R3HDM1: variants seen among roughly 807,000 people sequenced by gnomAD.
R3HDM1 encodes R3H domain-containing protein 1.
A neutral mutation model predicts 141.1 loss-of-function variants in R3HDM1; 46 were observed. That is an observed-to-expected ratio of 0.33 (90% confidence interval 0.26 to 0.42). R3HDM1 has a LOEUF of 0.42. Ranked by LOEUF, R3HDM1 falls within the 10% of genes least tolerant of loss-of-function variation. The pLI is 1.00. For missense variants in R3HDM1, 1,184 were observed against 1,368.3 expected, an observed-to-expected ratio of 0.87 and a Z score of 2.12; for synonymous variants, 435 against 472.9, an observed-to-expected ratio of 0.92 and a Z score of 1.04.
rs575524717 is a variant in R3HDM1 at position 135,641,778 on chromosome 2, A to C, written c.1462A>C (p.Asn488His). The change falls in exon 15 of 27, where the codon AAC (asparagine) becomes CAC (histidine). Residue 488 changes from asparagine (N) to histidine (H), a missense_variant. Physicochemically the swap from Asn to His is moderately conservative, Grantham distance 68. This residue lies in a region of R3HDM1 where 563 missense variants were observed against 562.0 expected (regional missense o/e 1.00). Coordinates refer to ENST00000683871, the MANE Select transcript of R3HDM1 (RefSeq NM_001378107.1). ...AGIPPGSILI[N>H]PQTGQPFINP... ...CATACCACCTGGCAGTATTCTGATC[A>C]ACCCACAAACAGGTTGGTATCCAGA... is the stretch of plus-strand genomic sequence containing the variant. 5 of 1,609,262 alleles carry C rather than the reference A, an allele frequency of 3.1e-6. No individual in the cohort carries two copies. In the African/African-American group the frequency reaches 6.7e-5, roughly 22 times the overall value.
At chr2:135,699,041 A>T (rs79976923) in intron 21 of R3HDM1, among the ~76,000 whole-genome samples, 1,291 of 67,836 alleles carry the variant, frequency 0.019, 39 homozygotes, top group East Asian at 0.15. Flanking sequence ...ATAGATAGAT[A>T]GATAAGATAG....
chr2:135,532,036 C>G (rs1487444745), intron 1 of R3HDM1, among the ~76,000 whole-genome samples: 2 of 152,232 alleles, frequency 1.3e-5, no homozygotes, highest in Non-Finnish European at 2.9e-5. Context: ...GCTGCTCTTG[C>G]AGCCCCAGGG....
intron 15 of R3HDM1, among the ~76,000 whole-genome samples, chr2:135,643,939 A>G (rs553702163): frequency 4.4e-4 from 67 of 152,314 alleles, no homozygotes; most frequent in Non-Finnish European, 9.1e-4. Flanking sequence ...TAAGAGGGAA[A>G]CAATACACAC....
At chr2:135,568,138 C>G (rs1311758616) in intron 1 of R3HDM1, among the ~76,000 whole-genome samples, 1 of 151,992 alleles carries the variant, frequency 6.6e-6, no homozygotes, top group Non-Finnish European at 1.5e-5. Context: ...TCACTGCAGC[C>G]TCAACTTCCC....
intron 6 of R3HDM1, chr2:135,622,344 T>C: frequency 1.0e-6 from 1 of 984,386 alleles, no homozygotes; most frequent in South Asian, 4.7e-5. Context: ...ATTTTGAACA[T>C]GAGGTTGTGG....
At chr2:135,645,236 A>T in intron 15 of R3HDM1, 143 bp from the exon 16 acceptor site, 1 of 686,834 alleles carries the variant, frequency 1.5e-6, no homozygotes. Context: ...TCCCAACCTA[A>T]GGAAATCTTT....
chr2:135,678,978 C>T (rs1360454359), intron 20 of R3HDM1, among the ~76,000 whole-genome samples: 5 of 150,446 alleles, frequency 3.3e-5, no homozygotes, highest in African/African-American at 4.9e-5. Context: ...AGGCTGGTCT[C>T]GAACTCCAGA....
chr2:135,670,094 CACTCCAGCCTGGGCGACAG>C (rs1055084404), intron 19 of R3HDM1, among the ~76,000 whole-genome samples: 2 of 142,568 alleles, frequency 1.4e-5, no homozygotes, highest in African/African-American at 5.3e-5. Context: ...TGCACCGCTG[CACTCCAGCCTGGGCGACAG>C]AGCAGACAGA....
At chr2:135,685,267 C>T (rs1424950003) in intron 21 of R3HDM1, among the ~76,000 whole-genome samples, 1 of 152,116 alleles carries the variant, frequency 6.6e-6, no homozygotes, top group Non-Finnish European at 1.5e-5. Flanking sequence ...GCTAGTTAAC[C>T]CGTGTTTCTC....
chr2:135,724,112 C>G lies in R3HDM1; in HGVS notation c.3225C>G (p.Asn1075Lys), dbSNP rs1304127526. ...LCCGSGDNTA[N>K]PERSKPSDLA... The stretch of plus-strand genomic sequence containing the variant: ...GTGGCAGTGGGGACAACACTGCCAA[C>G]CCTGAACGCTCTAAACCCAGTGACT... The change falls in exon 27 of 27, where the codon AAC becomes AAG. Residue 1075 changes from asparagine to lysine, a missense_variant. Physicochemically the swap from Asn to Lys is moderately conservative, Grantham distance 94. Around this residue, in one of 5 missense-constraint regions of R3HDM1, gnomAD observed 182 missense variants for 252.6 expected, o/e 0.72. Coordinates refer to ENST00000683871, the MANE Select transcript of R3HDM1 (RefSeq NM_001378107.1). 3 of 1,614,036 alleles carry G rather than the reference C, an allele frequency of 1.9e-6. No individual in the cohort carries two copies. Among genetic ancestry groups the G allele is most frequent in the Non-Finnish European group, 2.5e-6 (3 of 1,180,036 alleles).
intron 1 of R3HDM1, among the ~76,000 whole-genome samples, chr2:135,564,618 C>G (rs555171875): frequency 2.0e-5 from 3 of 152,284 alleles, no homozygotes; most frequent in African/African-American, 7.2e-5. Context: ...CCAGGCCCAG[C>G]CTAAATGTTG....
chr2:135,594,312 T>C (rs1384657505), intron 1 of R3HDM1, among the ~76,000 whole-genome samples: 1 of 152,230 alleles, frequency 6.6e-6, no homozygotes, highest in Admixed American at 6.5e-5. Context: ...CTTAAGCTAC[T>C]ATACCATACA....
chr2:135,699,619 T>A (rs2073947778), intron 21 of R3HDM1, among the ~76,000 whole-genome samples: 1 of 152,194 alleles, frequency 6.6e-6, no homozygotes, highest in Non-Finnish European at 1.5e-5. Flanking sequence ...TCAAGTACAT[T>A]ATCAGAGTAG....
rs150499818 is a variant in R3HDM1, at chr2:135,571,622, G to A, written c.-249-30878G>A. ...ATTACAGACGTGAGCCACTGCACCC[G>A]GCCTAATTTTATTTACTTTTTTAAG... On this transcript the variant is annotated intron_variant, in intron 1 of 26. Transcript: ENST00000683871. 2.7e-5 allele frequency among the ~76,000 whole-genome samples: 4 copies of A among 150,496 alleles called. No individual in the cohort carries two copies. In the East Asian group the frequency reaches 5.9e-4, roughly 22 times the overall value.
At chr2:135,711,424 T>C (rs1274938633) in intron 23 of R3HDM1, among the ~76,000 whole-genome samples, 2 of 152,076 alleles carry the variant, frequency 1.3e-5, no homozygotes, top group African/African-American at 4.8e-5. Context: ...TCCCAGCACT[T>C]TGGGAAGCTA....
intron 23 of R3HDM1, among the ~76,000 whole-genome samples, chr2:135,714,783 A>G (rs1234376662): frequency 6.6e-6 from 1 of 151,820 alleles, no homozygotes; most frequent in Non-Finnish European, 1.5e-5. Flanking sequence ...ACACACACAC[A>G]CACACACAGA....
intron 1 of R3HDM1, among the ~76,000 whole-genome samples, chr2:135,555,744 G>C (rs1573745706): frequency 6.6e-6 from 1 of 152,158 alleles, no homozygotes; most frequent in South Asian, 2.1e-4. Context: ...AAGCAATGAA[G>C]GGCCAGGCGA....
At chr2:135,686,641 T>C (rs1335853437) in intron 21 of R3HDM1, among the ~76,000 whole-genome samples, 1 of 152,102 alleles carries the variant, frequency 6.6e-6, no homozygotes, top group African/African-American at 2.4e-5. Flanking sequence ...GGAAACTGAG[T>C]TGTGGGAAGA....
At chr2:135,571,371 G>A (rs1156827980) in intron 1 of R3HDM1, among the ~76,000 whole-genome samples, 1 of 151,732 alleles carries the variant, frequency 6.6e-6, no homozygotes, top group African/African-American at 2.4e-5. Flanking sequence ...TGTTGTCCAG[G>A]CTGGAGTGCA....
Sources: allele counts gnomAD v4.1 joint callset (sites outside exome capture counted in the v4.1 genomes callset), GRCh38; gene constraint gnomAD v4.1.1; regional missense constraint gnomAD v4.1.1; transcripts MANE v1.5; gene names NCBI Gene and HGNC (gene_info 2026-07-23, HGNC 2026-07-21).